The following RPS20 variants were observed in gnomAD, a reference collection of about 807,000 sequenced individuals.
RPS20 encodes ribosomal protein S20, also known as small ribosomal subunit protein uS10.
A neutral mutation model predicts 15.3 loss-of-function variants in RPS20; 3 were observed. That is an observed-to-expected ratio of 0.20 (90% confidence interval 0.09 to 0.51). The LOEUF is 0.51. Among genes scored for constraint, RPS20 ranks in the 20% least tolerant of loss-of-function variants. RPS20 has a pLI of 0.96. For missense variants in RPS20, 67 were observed against 145.9 expected (o/e 0.46, Z 2.79); for synonymous variants, 62 against 47.8 (o/e 1.30, Z -1.23).
rs1435013029 is a variant in RPS20 at position 56,073,763 on chromosome 8, C to T, written c.109G>A (p.Ala37Thr). ...TCTTTTGCGCCTCTTATCAAGTCAG[C>T]ACACACTACAGGAAATAAAAGACCT... Reference protein sequence around the residue: ...RNVKSLEKVCADLIRGAKEKN... With the variant: ...RNVKSLEKVCTDLIRGAKEKN... The change falls in exon 3 of 4, where the codon GCT becomes ACT. Residue 37 changes from alanine (A) to threonine (T), a missense_variant. Coordinates refer to ENST00000009589, the MANE Select transcript of RPS20 (RefSeq NM_001023.4). The T allele has an allele frequency of 1.2e-6, 2 of 1,613,868 alleles. No homozygotes were observed. Among genetic ancestry groups the T allele is most frequent in the African/African-American group, 1.3e-5 (1 of 74,916 alleles).
intron 2 of RPS20, 135 bp downstream of exon 2, chr8:56,073,925 T>A (rs1809845822): frequency 9.1e-7 from 1 of 1,104,782 alleles, no homozygotes; most frequent in Non-Finnish European, 1.4e-6. Context: ...AAAAGCAATT[T>A]TAAGCCACGC....
chr8:56,068,633 A>G (rs1237446567), downstream of RPS20: 1 of 151,638 alleles, frequency 6.6e-6, no homozygotes, highest in Non-Finnish European at 1.5e-5. Flanking sequence ...TCCCAGAAAG[A>G]AGAGAGACAA....
chr8:56,070,127 TG>T (rs1809710416), downstream of RPS20, among the ~76,000 whole-genome samples: 1 of 151,038 alleles, frequency 6.6e-6, no homozygotes, highest in Non-Finnish European at 1.5e-5. Context: ...TGCAGTATCG[TG>T]GGCCAGCTAG....
Position 56,074,043 on chromosome 8 carries a change from A to T in RPS20, c.103+17T>A, listed in dbSNP as rs1450379932. The T allele has an allele frequency of 6.3e-7, 1 of 1,589,274 alleles. No homozygotes were observed. Among genetic ancestry groups the T allele is most frequent in the Non-Finnish European group, 8.6e-7 (1 of 1,158,664 alleles). On this transcript the variant is annotated intron_variant, in intron 2 of 3. Transcript: ENST00000009589. ...TCGCCCAATTCCCCCTCCCCCCCGCATAACGAATGCACTGACCCTTTTCCA... is the reference window on the plus strand; with the variant it reads ...TCGCCCAATTCCCCCTCCCCCCCGCTTAACGAATGCACTGACCCTTTTCCA...
At chr8:56,068,689 G>T (rs144903916), downstream of RPS20, among the ~76,000 whole-genome samples, 428 of 151,096 alleles carry the variant, frequency 2.8e-3, no homozygotes, top group Non-Finnish European at 5.0e-3. Context: ...TTGTATACCA[G>T]ATATATGATA....
At chr8:56,070,804 T>C (rs1188144443), downstream of RPS20, among the ~76,000 whole-genome samples, 1 of 152,062 alleles carries the variant, frequency 6.6e-6, no homozygotes, top group Non-Finnish European at 1.5e-5. Flanking sequence ...CCCTTGGTTA[T>C]TGCTAGCTTA....
At chr8:56,072,336 G>A (rs1809787067), downstream of RPS20, among the ~76,000 whole-genome samples, 1 of 152,114 alleles carries the variant, frequency 6.6e-6, no homozygotes, top group Non-Finnish European at 1.5e-5. Context: ...TGGATCACCT[G>A]AGGTCAGGAG....
At chr8:56,074,261 G>C (rs754791768) in intron 1 of RPS20, 102 bp from the exon 2 acceptor site, 141 of 1,527,000 alleles carry the variant, frequency 9.2e-5, no homozygotes, top group Non-Finnish European at 1.2e-4. Context: ...CACCATTTCA[G>C]GAGCGCCTTT....
chr8:56,072,470 T>C (rs58767582), downstream of RPS20, among the ~76,000 whole-genome samples: 3,537 of 149,538 alleles, frequency 0.024, 160 homozygotes, highest in African/African-American at 0.084. Flanking sequence ...GAGAATTGCT[T>C]GAACCTGGGA....
At chr8:56,069,745 G>A, downstream of RPS20, 14 of 1,551,620 alleles carry the variant, frequency 9.0e-6, no homozygotes, top group African/African-American at 2.7e-5. Context: ...CAGTTAAAAA[G>A]GACATGTCCC....
intron 3 of RPS20, 171 bp from the exon 4 acceptor site, chr8:56,073,443 T>C: frequency 1.1e-5 from 7 of 644,526 alleles, no homozygotes; most frequent in South Asian, 1.9e-5. Flanking sequence ...CTGTTTTCAC[T>C]GTGCTAGGAC....
At chr8:56,072,558 C>CCA (rs1554524460), downstream of RPS20, among the ~76,000 whole-genome samples, 8 of 138,916 alleles carry the variant, frequency 5.8e-5, no homozygotes, top group African/African-American at 8.1e-5. Flanking sequence ...TCCCCCCCCC[C>CCA]AAAAAAAAAA....
At chr8:56,069,961 C>G, downstream of RPS20, 1 of 664,382 alleles carries the variant, frequency 1.5e-6, no homozygotes, top group Non-Finnish European at 2.7e-6. Flanking sequence ...TTAGGTATTA[C>G]AAGTAATCTA....
In RPS20 at chr8:56,074,072, A is replaced by T; in HGVS notation, c.91T>A (p.Ser31Thr). Residue 31 changes from serine to threonine, a missense_variant, in exon 2 of 4, where the codon TCC (serine) becomes ACC (threonine). By Grantham distance (58) the Ser-to-Thr change is moderately conservative (BLOSUM62 1). Coordinates refer to ENST00000009589, the MANE Select transcript of RPS20 (RefSeq NM_001023.4). ...RITLTSRNVKSLEKVCADLIR... is the reference protein window; with the variant it reads ...RITLTSRNVKTLEKVCADLIR... The stretch of plus-strand genomic sequence containing the variant: ...CGAATGCACTGACCCTTTTCCAAGG[A>T]TTTTACGTTGCGGCTTGTTAGGGTG... 1 of 1,613,442 alleles carries T rather than the reference A, an allele frequency of 6.2e-7. No individual in the cohort carries two copies. The highest frequency in any genetic ancestry group is 8.5e-7 in the Non-Finnish European group (1 of 1,179,708).
chr8:56,069,781 G>C (rs1296758997), downstream of RPS20: 3 of 1,551,188 alleles, frequency 1.9e-6, no homozygotes, highest in Middle Eastern at 1.7e-4. Context: ...ACTTCTCAAA[G>C]TGTACTGCTG....
rs113118429 is a variant in RPS20, at chr8:56,074,170, A to G, written c.4-11T>C. 4.3e-3 allele frequency: 6,841 copies of G among 1,605,896 alleles called. 279 individuals carry two copies. The African/African-American group carries it at 0.082, about 19-fold the overall frequency. On this transcript the variant is annotated splice_polypyrimidine_tract_variant and intron_variant, in intron 1 of 3. Coordinates refer to ENST00000009589, the MANE Select transcript of RPS20 (RefSeq NM_001023.4). The stretch of plus-strand genomic sequence containing the variant: ...GGTATCCTTAAAAGCCTATTATTAG[A>G]TACATGAAAAAGAACAATAAGCCAA...
At chr8:56,071,361 T>C (rs76029853), downstream of RPS20, among the ~76,000 whole-genome samples, 3 of 152,300 alleles carry the variant, frequency 2.0e-5, no homozygotes, top group South Asian at 6.2e-4. Context: ...CACGTATTGA[T>C]AGGTATTCCA....
At chr8:56,073,793 G>A in intron 2 of RPS20, 25 bp from the exon 3 acceptor site, 2 of 1,605,806 alleles carry the variant, frequency 1.2e-6, no homozygotes, top group South Asian at 2.2e-5. Flanking sequence ...AGACCTCTCA[G>A]TATAATCGAA....
chr8:56,070,284 G>C (rs1030469150), downstream of RPS20, among the ~76,000 whole-genome samples: 2 of 152,102 alleles, frequency 1.3e-5, no homozygotes, highest in Non-Finnish European at 2.9e-5. Flanking sequence ...CATAACTGAG[G>C]CTCAAAGTCA....
Sources: gnomAD v4.1 joint callset for allele counts (sites outside exome capture counted in the v4.1 genomes callset) on GRCh38, gnomAD v4.1.1 for gene constraint, MANE v1.5 for transcripts, NCBI Gene and HGNC (gene_info 2026-07-23, HGNC 2026-07-21) for gene names.